Variants in PDE3A observed in about 807,000 individuals in gnomAD.
PDE3A encodes the protein phosphodiesterase 3A.
PDE3A carries 43 observed loss-of-function variants against 98.3 expected under a neutral mutation model. That is an observed-to-expected ratio of 0.44 (90% CI 0.34 to 0.56). The LOEUF is 0.56. Ranked by LOEUF, PDE3A falls within the 20% of genes least tolerant of loss-of-function variation. The probability of loss-of-function intolerance (pLI) is 0.01; values close to 1 mark genes in which losing one functional copy is unlikely to be tolerated. For synonymous variants in PDE3A, 663 were observed against 567.9 expected (o/e 1.17, Z -2.38); for missense variants, 1,427 against 1,440.7 (o/e 0.99, Z 0.15).
At chr12:20,607,400 G>A (rs968759601) in intron 2 of PDE3A, among the ~76,000 whole-genome samples, 4 of 146,748 alleles carry the variant, frequency 2.7e-5, no homozygotes, top group African/African-American at 1.0e-4. Context: ...TCGTGCCAGT[G>A]CACTTCAGCC....
At chr12:20,572,443 A>G (rs1438033935) in intron 2 of PDE3A, among the ~76,000 whole-genome samples, 1 of 152,104 alleles carries the variant, frequency 6.6e-6, no homozygotes, top group Non-Finnish European at 1.5e-5. Flanking sequence ...ATATTTTATT[A>G]ACTTAGAACT....
chr12:20,642,640 G>A (rs1944670927), intron 10 of PDE3A, among the ~76,000 whole-genome samples: 3 of 152,164 alleles, frequency 2.0e-5, no homozygotes, highest in Non-Finnish European at 1.5e-5. Context: ...GAGAAGTGGG[G>A]AGAATGCCTC....
At chr12:20,546,646 C>A (rs1942067296) in intron 1 of PDE3A, among the ~76,000 whole-genome samples, 1 of 152,010 alleles carries the variant, frequency 6.6e-6, no homozygotes, top group Admixed American at 6.6e-5. Flanking sequence ...AAATCAAAAA[C>A]CGTGTGCTCG....
intron 15 of PDE3A, among the ~76,000 whole-genome samples, chr12:20,672,959 G>C (rs1350704880): frequency 2.7e-5 from 4 of 149,952 alleles, no homozygotes; most frequent in African/African-American, 7.4e-5. Context: ...ATCTGACAAA[G>C]GGCTAATATC....
Position 20,659,900 on chromosome 12 carries a change from C to G in PDE3A, c.3184+5695C>G, listed in dbSNP as rs181727734. On this transcript the variant is annotated intron_variant, in intron 15 of 15. Transcript: ENST00000359062. ...AAATTATTCATTTAGTAAACTTTTA[C>G]TGAATGCTTTAGTAAAGTCTAGGTC... Among the ~76,000 whole-genome samples, 65 of 152,274 alleles carry G rather than the reference C, an allele frequency of 4.3e-4. 1 individual carries two copies. Among genetic ancestry groups the G allele is most frequent in the Admixed American group, 4.2e-3 (64 of 15,300 alleles).
intron 4 of PDE3A, among the ~76,000 whole-genome samples, chr12:20,617,495 T>G (rs533148767): frequency 1.1e-4 from 16 of 152,164 alleles, no homozygotes; most frequent in Non-Finnish European, 1.6e-4. Flanking sequence ...CATGAAAATT[T>G]CCTGACGGTT....
At chr12:20,564,282 T>A (rs1481004248) in intron 2 of PDE3A, among the ~76,000 whole-genome samples, 2 of 152,130 alleles carry the variant, frequency 1.3e-5, no homozygotes, top group Admixed American at 6.5e-5. Context: ...TGCTTCTAGA[T>A]GAAAACCACT....
intron 2 of PDE3A, among the ~76,000 whole-genome samples, chr12:20,562,609 G>A (rs1942556837): frequency 1.3e-5 from 2 of 151,972 alleles, no homozygotes; most frequent in Admixed American, 6.6e-5. Context: ...GAGGCTCCTT[G>A]TGGAAAAGAT....
At chr12:20,444,636 T>C (rs1195354605) in intron 1 of PDE3A, among the ~76,000 whole-genome samples, 1 of 152,132 alleles carries the variant, frequency 6.6e-6, no homozygotes, top group Admixed American at 6.6e-5. Context: ...TCAGAAGCTT[T>C]TGAAATTAAA....
chr12:20,685,016 T>TTGCTTTGACCTTACCTAATGG lies in PDE3A; in HGVS notation c.*4752_*4772dup, dbSNP rs1945915893. ...CACATGGTATTTGTTGAAATACATG[T>TTGCTTTGACCTTACCTAATGG]TGCTTTGACCTTACCTAATGGTGCT... On this transcript the variant is annotated 3_prime_UTR_variant, in exon 16 of 16. Coordinates refer to ENST00000359062, the MANE Select transcript of PDE3A (RefSeq NM_000921.5). 6.6e-6 allele frequency among the ~76,000 whole-genome samples: 1 copy of TTGCTTTGACCTTACCTAATGG among 152,244 alleles called. No individual in the cohort carries two copies. Among genetic ancestry groups the TTGCTTTGACCTTACCTAATGG allele is most frequent in the Non-Finnish European group, 1.5e-5 (1 of 68,050 alleles).
rs73235845 is a variant in PDE3A at position 20,398,729 on chromosome 12, C to A, written c.960+28485C>A. Among the ~76,000 whole-genome samples, 506 of 152,210 alleles carry A rather than the reference C, an allele frequency of 3.3e-3. 2 individuals are homozygous for A. Among genetic ancestry groups the A allele is most frequent in the African/African-American group, 0.012 (478 of 41,546 alleles). On this transcript the variant is annotated intron_variant, in intron 1 of 15. Transcript: ENST00000359062. Reference sequence around the variant, plus strand: ...TGGATATGCTATTCTTAAACCAAAACTTTTGTTTACTCATTCATTCCTAGA... The same window carrying A: ...TGGATATGCTATTCTTAAACCAAAAATTTTGTTTACTCATTCATTCCTAGA...
At chr12:20,375,435 A>T (rs1424082782) in intron 1 of PDE3A, among the ~76,000 whole-genome samples, 7 of 151,980 alleles carry the variant, frequency 4.6e-5, no homozygotes, top group African/African-American at 1.4e-4. Context: ...GATATAAAAT[A>T]TACAGATTTG....
At chr12:20,579,781 G>A (rs1055722609) in intron 2 of PDE3A, among the ~76,000 whole-genome samples, 9 of 152,110 alleles carry the variant, frequency 5.9e-5, no homozygotes, top group Non-Finnish European at 7.4e-5. Flanking sequence ...TCAGAGTTGC[G>A]CATTAGGTAA....
intron 2 of PDE3A, among the ~76,000 whole-genome samples, chr12:20,591,434 A>G (rs1261825497): frequency 6.6e-6 from 1 of 152,256 alleles, no homozygotes; most frequent in Non-Finnish European, 1.5e-5. Context: ...AGAAATTAGC[A>G]TAAAATATTT....
At chr12:20,602,766 C>T (rs1326725181) in intron 2 of PDE3A, among the ~76,000 whole-genome samples, 1 of 152,198 alleles carries the variant, frequency 6.6e-6, no homozygotes, top group African/African-American at 2.4e-5. Context: ...CAAACATCTG[C>T]TTCCTTAGGA....
intron 15 of PDE3A, among the ~76,000 whole-genome samples, chr12:20,656,417 C>T (rs1945045945): frequency 6.6e-6 from 1 of 152,134 alleles, no homozygotes; most frequent in Admixed American, 6.6e-5. Flanking sequence ...AGTTTTAGAT[C>T]AGATCTGGCC....
At chr12:20,561,368 G>A (rs914270281) in intron 2 of PDE3A, among the ~76,000 whole-genome samples, 1 of 152,114 alleles carries the variant, frequency 6.6e-6, no homozygotes, top group Non-Finnish European at 1.5e-5. Context: ...GTAGGATTGA[G>A]GATATAATAG....
chr12:20,457,445 C>T lies in PDE3A; in HGVS notation c.960+87201C>T, dbSNP rs927815884. On this transcript the variant is annotated intron_variant, in intron 1 of 15. Coordinates refer to ENST00000359062, the MANE Select transcript of PDE3A (RefSeq NM_000921.5). ...ATATGAAATAAAATTTATACATATA[C>T]ATGCATGTAACACATAAAAATATTT... 4.0e-5 allele frequency among the ~76,000 whole-genome samples: 6 copies of T among 151,736 alleles called. No homozygotes were observed. The East Asian group carries it at 7.7e-4, about 19-fold the overall frequency.
At chr12:20,592,470 AT>A (rs1254731404) in intron 2 of PDE3A, among the ~76,000 whole-genome samples, 2 of 152,176 alleles carry the variant, frequency 1.3e-5, no homozygotes, top group African/African-American at 4.8e-5. Context: ...TGTTCACTCT[AT>A]TTTTTTCCTT....
Sources: gnomAD v4.1 joint callset for allele counts (sites outside exome capture counted in the v4.1 genomes callset) on GRCh38, gnomAD v4.1.1 for gene constraint, MANE v1.5 for transcripts, NCBI Gene and HGNC (gene_info 2026-07-23, HGNC 2026-07-21) for gene names.